Variants in SULF2 observed in about 807,000 individuals in gnomAD.
The protein encoded by SULF2 is extracellular sulfatase Sulf-2.
Under a neutral mutation model 107.7 loss-of-function variants are expected in SULF2, and 52 were observed. That is an observed-to-expected ratio of 0.48 (90% confidence interval 0.39 to 0.61). SULF2 has a LOEUF of 0.61. Ranked by LOEUF, SULF2 falls within the 20% of genes least tolerant of loss-of-function variation. The probability of loss-of-function intolerance (pLI) is 0.00; values close to 1 mark genes in which losing one functional copy is unlikely to be tolerated. For synonymous variants in SULF2, 460 were observed against 464.3 expected (o/e 0.99, Z 0.12); for missense variants, 993 against 1,177.3 (o/e 0.84, Z 2.29).
Position 47,664,056 on chromosome 20 carries a change from T to C in SULF2, c.2057+74A>G, listed in dbSNP as rs1827228089. 26 of 1,505,872 alleles carry C rather than the reference T, an allele frequency of 1.7e-5. No homozygotes were observed. In the East Asian group the frequency reaches 5.7e-4, roughly 33 times the overall value. The allele number at this position is 1,505,872 out of a possible 1,614,324, so 93.3% of individuals were successfully genotyped here. On this transcript the variant is annotated intron_variant, in intron 15 of 20. Transcript: ENST00000688720. ...TGGACTTCTTTCCTTTTCTTCTGAG[T>C]TTTAGCTTAAGGGAGGGCCACCTCC... is the stretch of plus-strand genomic sequence containing the variant.
chr20:47,769,616 C>T (rs2090591184), intron 1 of SULF2, among the ~76,000 whole-genome samples: 1 of 152,164 alleles, frequency 6.6e-6, no homozygotes, highest in Admixed American at 6.5e-5. Flanking sequence ...GCTAATTCTT[C>T]CAGATAGGCA....
rs568158796 is a variant in SULF2 at position 47,717,022 on chromosome 20, A to T, written c.416-14352T>A. The stretch of plus-strand genomic sequence containing the variant: ...AGACCCTATTTCTAAAAAATAAAAT[A>T]AAATGGGTATGCAGATGGAAAAGGG... On this transcript the variant is annotated intron_variant, in intron 3 of 20. Transcript: ENST00000688720. 1.2e-4 allele frequency among the ~76,000 whole-genome samples: 19 copies of T among 152,200 alleles called. No homozygotes were observed. The South Asian group carries it at 3.9e-3, about 32-fold the overall frequency.
rs2087245167 is a variant in SULF2, at chr20:47,665,803, T to G, written c.1902+54A>C. ...CTGCCCTCCCACTGTGAACCGGGGG[T>G]CCTGCCAGGCCCGTGGTGGCCGAGA... On this transcript the variant is annotated intron_variant, in intron 13 of 20. Coordinates refer to ENST00000688720, the MANE Select transcript of SULF2 (RefSeq NM_001387048.1). The G allele has an allele frequency of 8.0e-6, 12 of 1,491,154 alleles. No individual in the cohort carries two copies. The South Asian group carries it at 9.1e-5, about 11-fold the overall frequency. The allele number at this position is 1,491,154 out of a possible 1,614,324, so 92.4% of individuals were successfully genotyped here. A position where few individuals can be genotyped will look rare whatever the true frequency, so the allele number is the denominator to read the frequency against.
intron 1 of SULF2, among the ~76,000 whole-genome samples, chr20:47,768,701 A>T (rs2090570632): frequency 6.6e-6 from 1 of 152,120 alleles, no homozygotes; most frequent in Non-Finnish European, 1.5e-5. Context: ...GGGAATCACA[A>T]ATTCTGGACC....
rs2087277502 is a variant in SULF2, at chr20:47,666,479, G to C, written c.1586C>G (p.Ala529Gly). 6.2e-7 allele frequency: 1 copy of C among 1,612,578 alleles called. No homozygotes were observed. ...GATGGAGCGACTGCGGACATAGCTG[G>C]CCTTGTACTCTGTGGGCATTAGAGG... ...RKKLFKKKYK[A>G]SYVRSRSIRS... The change falls in exon 12 of 21, where the codon GCC (alanine) becomes GGC (glycine). Residue 529 changes from alanine to glycine, a missense_variant. Coordinates refer to ENST00000688720, the MANE Select transcript of SULF2 (RefSeq NM_001387048.1). The surrounding 1 kb of genome is among the most constrained non-coding windows in gnomAD (Gnocchi z 5.4).
chr20:47,674,583 T>C (rs2083335519), intron 10 of SULF2, among the ~76,000 whole-genome samples: 2 of 152,224 alleles, frequency 1.3e-5, no homozygotes, highest in Non-Finnish European at 2.9e-5. Flanking sequence ...TGACATGAAT[T>C]CTAGCCGGGC....
chr20:47,659,619 C>T, intron 19 of SULF2, 78 bp downstream of exon 19: 2 of 1,410,590 alleles, frequency 1.4e-6, no homozygotes, highest in East Asian at 2.3e-5. Flanking sequence ...ATAACAGGTG[C>T]AGACTCACAG....
In SULF2 at chr20:47,661,673, T is replaced by G. The variant is rs564434745; in HGVS notation, c.2494+100A>C. ...TGGAACTGTATCACCTCCCAAAGCC[T>G]GGTGATTTCAGGCTCATTCTTGGGG... On this transcript the variant is annotated intron_variant, in intron 18 of 20. Coordinates refer to ENST00000688720, the MANE Select transcript of SULF2 (RefSeq NM_001387048.1). 6.2e-5 allele frequency: 79 copies of G among 1,264,084 alleles called. No homozygotes were observed. In the African/African-American group the frequency reaches 1.1e-3, roughly 17 times the overall value. 78.3% of individuals were successfully genotyped at this position (1,264,084 alleles called of 1,614,324 possible).
chr20:47,664,150 G>C lies in SULF2; in HGVS notation c.2037C>G (p.Gly679=). The change falls in exon 15 of 21, where the codon GGC becomes GGG. Residue 679 remains glycine, a synonymous_variant. Transcript: ENST00000688720. ...CTTACCTGAAAGGATGCAGACTGGA[G>C]CCTCTGTGCTTGAGGCGGCCTTTGT... ...TQHKGRLKHR[G]SSLHPFRKGL... 1 of 1,613,574 alleles carries C rather than the reference G, an allele frequency of 6.2e-7. No individual in the cohort carries two copies. Among genetic ancestry groups the C allele is most frequent in the African/African-American group, 1.3e-5 (1 of 75,048 alleles).
chr20:47,679,691 G>A (rs1041594934), intron 7 of SULF2, among the ~76,000 whole-genome samples: 3 of 152,256 alleles, frequency 2.0e-5, no homozygotes, highest in African/African-American at 7.2e-5. Context: ...AGCCCTGGCC[G>A]GCACCTTGAT....
At chr20:47,714,628 C>T (rs1013544944) in intron 3 of SULF2, among the ~76,000 whole-genome samples, 1 of 152,202 alleles carries the variant, frequency 6.6e-6, no homozygotes, top group Admixed American at 6.5e-5. Flanking sequence ...TCAAGCCCCC[C>T]ACTCTGTGCA....
chr20:47,744,251 C>T (rs951031511), intron 2 of SULF2, among the ~76,000 whole-genome samples: 8 of 152,090 alleles, frequency 5.3e-5, no homozygotes, highest in African/African-American at 1.9e-4. Context: ...GGCGCGATCT[C>T]GGCTCACTGC....
chr20:47,717,959 C>T (rs1293319783), intron 3 of SULF2, among the ~76,000 whole-genome samples: 1 of 152,068 alleles, frequency 6.6e-6, no homozygotes, highest in African/African-American at 2.4e-5. Context: ...GGATTACAGG[C>T]ATGCGCCACC....
upstream of SULF2, chr20:47,785,592 C>T (rs1407542655): frequency 6.9e-6 from 1 of 145,934 alleles, no homozygotes; most frequent in Admixed American, 6.8e-5. Context: ...CAAAGTCCGG[C>T]TCCGCACCCC....
At chr20:47,697,072 AC>A (rs2088404538) in intron 4 of SULF2, among the ~76,000 whole-genome samples, 1 of 152,130 alleles carries the variant, frequency 6.6e-6, no homozygotes, top group Non-Finnish European at 1.5e-5. Flanking sequence ...CTGGCCGTGC[AC>A]TGCCATCACC....
At chr20:47,711,512 C>G (rs553874094) in intron 3 of SULF2, among the ~76,000 whole-genome samples, 94 of 152,348 alleles carry the variant, frequency 6.2e-4, no homozygotes, top group Middle Eastern at 6.8e-3. Context: ...TTCTCTCCCC[C>G]ACGACGGGCC....
chr20:47,684,246 A>C lies in SULF2; in HGVS notation c.888+185T>G, dbSNP rs1451420910. 1.8e-5 allele frequency: 10 copies of C among 558,486 alleles called. No individual in the cohort carries two copies. In the South Asian group the frequency reaches 2.8e-4, roughly 16 times the overall value. The allele number at this position is 558,486 out of a possible 1,614,324, so 34.6% of individuals were successfully genotyped here. On this transcript the variant is annotated intron_variant, in intron 6 of 20. Transcript: ENST00000688720. ...GCAACACAGATCTAGAAAATGTTTC[A>C]TGAAGGAAGAGGCTTTTGTCTGGAT... is the stretch of plus-strand genomic sequence containing the variant.
At chr20:47,676,417 G>T in intron 10 of SULF2, 77 bp downstream of exon 10, 1 of 1,524,570 alleles carries the variant, frequency 6.6e-7, no homozygotes, top group Non-Finnish European at 8.8e-7. Flanking sequence ...CTGGCTCAGC[G>T]GCTCTCAGAG....
intron 3 of SULF2, among the ~76,000 whole-genome samples, chr20:47,726,591 C>T (rs976229516): frequency 6.6e-6 from 1 of 152,194 alleles, no homozygotes; most frequent in African/African-American, 2.4e-5. Flanking sequence ...CCCATGTGCG[C>T]CTACTGAATA....
Sources: allele counts gnomAD v4.1 joint callset (sites outside exome capture counted in the v4.1 genomes callset), GRCh38; gene constraint gnomAD v4.1.1; non-coding constraint Gnocchi (gnomAD v3.1); transcripts MANE v1.5; gene names NCBI Gene and HGNC (gene_info 2026-07-23, HGNC 2026-07-21).